Variants in OTOGL observed in about 807,000 individuals in gnomAD.
The protein encoded by OTOGL is otogelin-like protein.
In OTOGL, 285 loss-of-function variants were observed where a neutral mutation model predicts 318.5. The observed-to-expected ratio is 0.89, with a 90% CI of 0.81 to 0.99. The LOEUF (loss-of-function observed/expected upper bound fraction) is 0.99, where lower values mean the gene tolerates loss of function less well. Among genes scored for constraint, OTOGL ranks in the 50% least tolerant of loss-of-function variants. OTOGL has a pLI of 0.00. For missense variants in OTOGL, 2,899 were observed against 2,845.6 expected, an observed-to-expected ratio of 1.02 and a Z score of -0.43; for synonymous variants, 987 against 936.5, an observed-to-expected ratio of 1.05 and a Z score of -0.99.
intron 1 of OTOGL, among the ~76,000 whole-genome samples, chr12:80,181,350 T>TCTCG (rs1250774669): frequency 6.6e-6 from 1 of 151,894 alleles, no homozygotes. Context: ...TCTCTCTCTC[T>TCTCG]CTCTGTAATA....
At chr12:80,334,022 G>C (rs1231426375) in intron 38 of OTOGL, among the ~76,000 whole-genome samples, 4 of 152,158 alleles carry the variant, frequency 2.6e-5, no homozygotes, top group African/African-American at 9.7e-5. Context: ...AAGGTGCTGT[G>C]TATTTTTGAG....
At chr12:80,170,137 T>C (rs1248475460) in intron 1 of OTOGL, among the ~76,000 whole-genome samples, 1 of 151,980 alleles carries the variant, frequency 6.6e-6, no homozygotes, top group African/African-American at 2.4e-5. Flanking sequence ...GTATGGGTAT[T>C]CCAGTTGCTC....
rs1420626330 is a variant in OTOGL, at chr12:80,344,499, G to A, written c.5265+2337G>A. Among the ~76,000 whole-genome samples the A allele has an allele frequency of 1.1e-4, 16 of 152,168 alleles. No homozygotes were observed. The East Asian group carries it at 2.5e-3, about 24-fold the overall frequency. ...GGAGGCTGCAGTGAGCCGAGATCGC[G>A]CCATTGCACTCCAGCCTTAATGCTT... is the stretch of plus-strand genomic sequence containing the variant. On this transcript the variant is annotated intron_variant, in intron 44 of 58. Transcript: ENST00000547103.
chr12:80,177,293 T>C (rs1874593756), intron 1 of OTOGL, among the ~76,000 whole-genome samples: 1 of 152,200 alleles, frequency 6.6e-6, no homozygotes, highest in African/African-American at 2.4e-5. Context: ...AACATTTGTA[T>C]AGGTTGTAAG....
At chr12:80,147,619 T>C (rs1872481996) in intron 1 of OTOGL, among the ~76,000 whole-genome samples, 1 of 151,974 alleles carries the variant, frequency 6.6e-6, no homozygotes, top group African/African-American at 2.4e-5. Context: ...TTGTTGACTT[T>C]CTGTCTCCTT....
At chr12:80,144,396 T>G (rs1248492037) in intron 1 of OTOGL, among the ~76,000 whole-genome samples, 15 of 151,434 alleles carry the variant, frequency 9.9e-5, no homozygotes, top group Non-Finnish European at 1.8e-4. Flanking sequence ...CATCATTTTT[T>G]ATGGCTGCAT....
intron 7 of OTOGL, among the ~76,000 whole-genome samples, chr12:80,224,193 C>T (rs1878613987): frequency 6.6e-6 from 1 of 152,034 alleles, no homozygotes; most frequent in South Asian, 2.1e-4. Flanking sequence ...ATGTCCTTTC[C>T]CCACTTTATG....
At chr12:80,187,265 G>GTT (rs971596190) in intron 1 of OTOGL, among the ~76,000 whole-genome samples, 3 of 142,946 alleles carry the variant, frequency 2.1e-5, no homozygotes, top group Admixed American at 7.0e-5. Context: ...GGTTGTTTTT[G>GTT]TTTTTTTTTT....
chr12:80,258,995 G>A (rs1372867931), intron 18 of OTOGL, among the ~76,000 whole-genome samples: 2 of 151,962 alleles, frequency 1.3e-5, no homozygotes, highest in African/African-American at 4.8e-5. Flanking sequence ...AATGTGAGGT[G>A]ATGCACATGT....
At chr12:80,361,336 G>A (rs1242296111) in intron 52 of OTOGL, among the ~76,000 whole-genome samples, 1 of 150,820 alleles carries the variant, frequency 6.6e-6, no homozygotes, top group African/African-American at 2.4e-5. Flanking sequence ...AGGCTGTATG[G>A]TATTGCATTG....
intron 8 of OTOGL, among the ~76,000 whole-genome samples, chr12:80,231,400 T>A (rs940992416): frequency 1.3e-5 from 2 of 152,084 alleles, no homozygotes; most frequent in Non-Finnish European, 2.9e-5. Flanking sequence ...CTGTAAAAAA[T>A]TTTTTGTGCA....
At chr12:80,290,116 G>A (rs1272687075) in intron 26 of OTOGL, among the ~76,000 whole-genome samples, 1 of 152,182 alleles carries the variant, frequency 6.6e-6, no homozygotes, top group African/African-American at 2.4e-5. Flanking sequence ...GCCCTTCATG[G>A]CTTCCCTTGG....
At chr12:80,320,867 G>A (rs542907380) in intron 34 of OTOGL, among the ~76,000 whole-genome samples, 167 bp downstream of exon 34, 128 of 152,048 alleles carry the variant, frequency 8.4e-4, no homozygotes, top group African/African-American at 2.4e-3. Flanking sequence ...TCCAATATAC[G>A]TATTGGAGAA....
intron 26 of OTOGL, among the ~76,000 whole-genome samples, chr12:80,293,656 GC>G (rs956190266): frequency 2.0e-4 from 30 of 150,098 alleles, no homozygotes; most frequent in African/African-American, 7.1e-4. Context: ...CATATGTTCA[GC>G]TTTTTTTTTT....
intron 11 of OTOGL, among the ~76,000 whole-genome samples, chr12:80,246,852 G>A (rs1371292956): frequency 1.2e-3 from 32 of 25,814 alleles, no homozygotes; most frequent in African/African-American, 4.8e-3. Flanking sequence ...CCTGTTATTG[G>A]TCTATTCAGA....
intron 26 of OTOGL, among the ~76,000 whole-genome samples, chr12:80,290,728 G>A (rs897470141): frequency 6.6e-6 from 1 of 152,052 alleles, no homozygotes; most frequent in Non-Finnish European, 1.5e-5. Context: ...TCATGTTTCA[G>A]CATCTCTACA....
intron 27 of OTOGL, among the ~76,000 whole-genome samples, chr12:80,299,001 T>C (rs1885588927): frequency 6.6e-6 from 1 of 152,210 alleles, no homozygotes; most frequent in Admixed American, 6.5e-5. Flanking sequence ...TCTCCAAACA[T>C]TCATTAAAAT....
Position 80,336,487 on chromosome 12 carries a change from T to A in OTOGL, c.4675T>A (p.Ser1559Thr), listed in dbSNP as rs776176651. 1 of 1,608,784 alleles carries A rather than the reference T, an allele frequency of 6.2e-7. No homozygotes were observed. Among genetic ancestry groups the A allele is most frequent in the South Asian group, 1.1e-5 (1 of 90,876 alleles). Residue 1559 changes from serine (S) to threonine (T), a missense_variant, in exon 40 of 59, where the codon TCT (serine) becomes ACT (threonine). Ser to Thr is a moderately conservative substitution (Grantham distance 58, BLOSUM62 1). Around this residue, in one of 3 missense-constraint regions of OTOGL, gnomAD observed 2,607 missense variants for 2,524.9 expected, o/e 1.03. Transcript: ENST00000547103. ...GNNAALYSMA[S>T]YILVRIPGEI... ...CAACGCAGCATTATATAGCATGGCT[T>A]CTTATATCTTAGTAAGAATTCCTGG...
intron 1 of OTOGL, among the ~76,000 whole-genome samples, chr12:80,124,077 A>G (rs1036696750): frequency 2.6e-5 from 4 of 152,152 alleles, no homozygotes; most frequent in Non-Finnish European, 4.4e-5. Flanking sequence ...TTTTATTGCC[A>G]TCGCTTTTGG....
Sources: allele counts gnomAD v4.1 joint callset (sites outside exome capture counted in the v4.1 genomes callset), GRCh38; gene constraint gnomAD v4.1.1; regional missense constraint gnomAD v4.1.1; transcripts MANE v1.5; gene names NCBI Gene and HGNC (gene_info 2026-07-23, HGNC 2026-07-21).